Variants in ZNF730 observed in about 807,000 individuals in gnomAD.
ZNF730 encodes zinc finger protein 730.
ZNF730 carries 12 observed loss-of-function variants against 12.6 expected under a neutral mutation model. The ratio of observed to expected loss-of-function variants is 0.95; its 90% CI spans 0.61 to 1.54. The LOEUF (loss-of-function observed/expected upper bound fraction) is 1.54. Ranked by LOEUF, ZNF730 falls within the 40% of genes most tolerant of loss-of-function variation. ZNF730 has a pLI of 0.00. For synonymous variants in ZNF730, 194 were observed against 195.8 expected, an observed-to-expected ratio of 0.99 and a Z score of 0.08; for missense variants, 643 against 583.5, an observed-to-expected ratio of 1.10 and a Z score of -1.05.
intron 1 of ZNF730, chr19:23,095,757 C>A (rs1970238974): frequency 3.5e-6 from 1 of 282,006 alleles, no homozygotes; most frequent in South Asian, 1.7e-4. Flanking sequence ...TCCTCTCTTA[C>A]CTGGATGTTG....
At chr19:23,128,858 C>T (rs920959623) in intron 1 of ZNF730, among the ~76,000 whole-genome samples, 12 of 152,144 alleles carry the variant, frequency 7.9e-5, no homozygotes, top group African/African-American at 1.4e-4. Flanking sequence ...AAGAAAAAGA[C>T]GGCTTTGTGG....
At chr19:23,088,229 A>AG (rs1970098889) in intron 1 of ZNF730, among the ~76,000 whole-genome samples, 1 of 151,338 alleles carries the variant, frequency 6.6e-6, no homozygotes, top group Admixed American at 6.6e-5. Context: ...CATGTTGGCC[A>AG]GGCTGGTCTT....
At chr19:23,112,944 T>C (rs1970475618), upstream of ZNF730, among the ~76,000 whole-genome samples, 1 of 152,206 alleles carries the variant, frequency 6.6e-6, no homozygotes, top group African/African-American at 2.4e-5. Flanking sequence ...CCCCCTGGTT[T>C]AGAGTAAATG....
intron 1 of ZNF730, chr19:23,098,195 A>G (rs540705533): frequency 1.1e-4 from 16 of 152,200 alleles, no homozygotes; most frequent in African/African-American, 3.9e-4. Context: ...ACTGACACCT[A>G]GGTTATGATA....
chr19:23,120,086 C>T (rs1433818333), intron 1 of ZNF730, among the ~76,000 whole-genome samples: 1 of 151,550 alleles, frequency 6.6e-6, no homozygotes, highest in Non-Finnish European at 1.5e-5. Flanking sequence ...CCTCCACCTC[C>T]CAGGTTCAAG....
At chr19:23,109,057 A>T (rs1013263208) in intron 1 of ZNF730, among the ~76,000 whole-genome samples, 2 of 149,692 alleles carry the variant, frequency 1.3e-5, no homozygotes, top group African/African-American at 4.8e-5. Flanking sequence ...CAGCCAAAAA[A>T]TTGTGTCTTT....
intron 1 of ZNF730, among the ~76,000 whole-genome samples, chr19:23,095,901 C>G (rs1230932733): frequency 6.6e-6 from 1 of 152,174 alleles, no homozygotes; most frequent in African/African-American, 2.4e-5. Context: ...TGATTTTCCT[C>G]CACTCACAGA....
At chr19:23,143,535 A>G (rs756815490) in intron 3 of ZNF730, 5 of 152,136 alleles carry the variant, frequency 3.3e-5, no homozygotes, top group Non-Finnish European at 5.9e-5. Flanking sequence ...TTGTTTGATT[A>G]TATGGTATTT....
chr19:23,107,449 CAAAAAAAAAAAA>C (rs57120684), intron 1 of ZNF730, among the ~76,000 whole-genome samples: 7 of 47,320 alleles, frequency 1.5e-4, no homozygotes, highest in East Asian at 8.7e-4. Context: ...AAAAAAATAC[CAAAAAAAAAAAA>C]AAAAAAAAAA....
At position 23,089,618 on chromosome 19, in the gene ZNF730, G is replaced by T. The variant is rs115788452; in HGVS notation, c.-94+14231G>T. On this transcript the variant is annotated intron_variant, in intron 1 of 2. Coordinates refer to the ZNF730 transcript ENST00000593635. ...ATTTTCTCTTGCTGCTGTGATGTAA[G>T]AAGTGCCTTTTGGCTACTGCCATGT... Among the ~76,000 whole-genome samples the T allele has an allele frequency of 3.5e-3, 534 of 152,250 alleles. 3 individuals carry two copies. Among genetic ancestry groups the T allele is most frequent in the African/African-American group, 0.012 (510 of 41,536 alleles).
chr19:23,128,946 A>G (rs2145639426), intron 1 of ZNF730, among the ~76,000 whole-genome samples: 1 of 152,296 alleles, frequency 6.6e-6, no homozygotes, highest in South Asian at 2.1e-4. Flanking sequence ...GTCATGGCTA[A>G]AAGGGGCCAA....
At chr19:23,112,648 G>A (rs986073079), upstream of ZNF730, among the ~76,000 whole-genome samples, 7 of 152,018 alleles carry the variant, frequency 4.6e-5, no homozygotes, top group Admixed American at 2.6e-4. Flanking sequence ...GCTTAAACCC[G>A]GGAGGTGGAA....
intron 1 of ZNF730, among the ~76,000 whole-genome samples, chr19:23,093,679 G>C (rs1178487005): frequency 6.6e-6 from 1 of 152,190 alleles, no homozygotes; most frequent in African/African-American, 2.4e-5. Context: ...AGGGCCCAGA[G>C]GTAGCCGTCT....
chr19:23,113,293 C>T (rs951542855), upstream of ZNF730, among the ~76,000 whole-genome samples: 2 of 152,146 alleles, frequency 1.3e-5, no homozygotes, highest in African/African-American at 4.8e-5. Context: ...TCAAACTCTT[C>T]GTATTATCCT....
intron 1 of ZNF730, among the ~76,000 whole-genome samples, chr19:23,105,741 T>G (rs1439895525): frequency 6.6e-6 from 1 of 152,224 alleles, no homozygotes; most frequent in African/African-American, 2.4e-5. Flanking sequence ...CAAACCTTTT[T>G]GTGGCTGTGT....
intron 2 of ZNF730, 30 bp downstream of exon 2, chr19:23,134,236 A>T: frequency 6.5e-7 from 1 of 1,539,956 alleles, no homozygotes; most frequent in Non-Finnish European, 8.8e-7. Flanking sequence ...ACAATTCCTA[A>T]TATACCCTAT....
At chr19:23,142,764 GAGAA>G (rs1422493565) in intron 3 of ZNF730, among the ~76,000 whole-genome samples, 2 of 148,474 alleles carry the variant, frequency 1.3e-5, no homozygotes, top group Admixed American at 1.3e-4. Flanking sequence ...TTTTATGAAA[GAGAA>G]AGACTTACTG....
rs771857984 is a variant in ZNF730 at position 23,136,024 on chromosome 19, T to TA, written c.208dup (p.Met70AsnfsTer35). 42 of 1,604,704 alleles carry TA rather than the reference T, an allele frequency of 2.6e-5. No individual in the cohort carries two copies. Among genetic ancestry groups the TA allele is most frequent in the Non-Finnish European group, 3.4e-5 (40 of 1,175,438 alleles). On this transcript the variant is annotated frameshift_variant, in exon 3 of 4. Coordinates refer to ENST00000597761, the MANE Select transcript of ZNF730 (RefSeq NM_001277403.2). LOFTEE classifies it low-confidence loss of function (END_TRUNC). Reference sequence around the variant, plus strand: ...AGCCTTGGAATTTGAAGACACATGATATGGTAGCCAAACCCCCAGGTAGGT... The same window carrying TA: ...AGCCTTGGAATTTGAAGACACATGATAATGGTAGCCAAACCCCCAGGTAGGT...
At chr19:23,116,943 T>G, upstream of ZNF730, 1 of 105,702 alleles carries the variant, frequency 9.5e-6, no homozygotes, top group Non-Finnish European at 1.7e-5. Flanking sequence ...TTAAACGTTA[T>G]CCAATCGGGG....
Sources: gnomAD v4.1 joint callset for allele counts (sites outside exome capture counted in the v4.1 genomes callset) on GRCh38, gnomAD v4.1.1 for gene constraint, MANE v1.5 for transcripts, NCBI Gene and HGNC (gene_info 2026-07-23, HGNC 2026-07-21) for gene names.